NBAS: variants seen among roughly 807,000 people sequenced by gnomAD.
NBAS encodes the protein NAG/BC035112 fusion.
NBAS carries 219 observed loss-of-function variants against 302.5 expected under a neutral mutation model. The observed-to-expected ratio is 0.72, with a 90% CI of 0.65 to 0.81. The LOEUF is 0.81. Among genes scored for constraint, NBAS ranks in the 30% least tolerant of loss-of-function variants. The probability of loss-of-function intolerance (pLI) is 0.00; values close to 1 mark genes in which losing one functional copy is unlikely to be tolerated. For missense variants in NBAS, 2,932 were observed against 2,841.6 expected (o/e 1.03, Z -0.72); for synonymous variants, 1,118 against 1,021.6 (o/e 1.09, Z -1.80).
At chr2:15,532,488 CAAAA>C (rs896529713) in intron 9 of NBAS, among the ~76,000 whole-genome samples, 32 of 47,806 alleles carry the variant, frequency 6.7e-4, no homozygotes, top group African/African-American at 1.6e-3. Flanking sequence ...GACTCCATCT[CAAAA>C]AAAAAAAAAA....
chr2:15,257,952 C>G (rs1010961684), intron 44 of NBAS, among the ~76,000 whole-genome samples: 2 of 152,108 alleles, frequency 1.3e-5, no homozygotes, highest in Non-Finnish European at 2.9e-5. Context: ...AGCACATAAA[C>G]TAGTTAAAAA....
chr2:15,496,999 AAATT>A (rs1681097194), intron 11 of NBAS, among the ~76,000 whole-genome samples: 1 of 152,158 alleles, frequency 6.6e-6, no homozygotes, highest in Non-Finnish European at 1.5e-5. Context: ...AGATGAGAAA[AAATT>A]AATTAATGAG....
At chr2:14,883,429 A>G in the NBAS span, among the ~76,000 whole-genome samples, 1 of 152,158 alleles carries the variant, frequency 6.6e-6, no homozygotes, top group Non-Finnish European at 1.5e-5. Context: ...TAACCTGGAC[A>G]ATATACAAGA....
At position 15,322,700 on chromosome 2, in the gene NBAS, C is replaced by T. The variant is rs559365956; in HGVS notation, c.4582+5050G>A. Among the ~76,000 whole-genome samples the T allele has an allele frequency of 1.3e-3, 192 of 152,288 alleles. 1 individual carries two copies. The highest frequency in any genetic ancestry group is 6.8e-3 in the Middle Eastern group (2 of 294). Reference sequence around the variant, plus strand: ...GTTTAATTTGTATTATGACCTACTTCTAAACCAAAGTCAAGAATTACTTTT... The same window carrying T: ...GTTTAATTTGTATTATGACCTACTTTTAAACCAAAGTCAAGAATTACTTTT... On this transcript the variant is annotated intron_variant, in intron 38 of 51. Transcript: ENST00000281513.
the NBAS span, among the ~76,000 whole-genome samples, chr2:15,106,151 T>C: frequency 6.6e-6 from 1 of 152,182 alleles, no homozygotes; most frequent in Non-Finnish European, 1.5e-5. Flanking sequence ...AACATGAATT[T>C]GGCCAAAGCT....
chr2:15,254,490 C>T (rs956188496), intron 44 of NBAS, among the ~76,000 whole-genome samples: 10 of 152,276 alleles, frequency 6.6e-5, no homozygotes, highest in African/African-American at 2.4e-4. Flanking sequence ...GGATAACAAA[C>T]TTCTTCTTGC....
chr2:15,374,463 T>C, intron 31 of NBAS, 145 bp downstream of exon 31: 1 of 686,660 alleles, frequency 1.5e-6, no homozygotes, highest in South Asian at 1.7e-5. Flanking sequence ...TGAGATTTCA[T>C]TTAAAATAAT....
At chr2:15,015,861 G>C in the NBAS span, among the ~76,000 whole-genome samples, 1 of 151,946 alleles carries the variant, frequency 6.6e-6, no homozygotes, top group Non-Finnish European at 1.5e-5. Context: ...CCAGTTTGCA[G>C]ATGACATAGA....
At chr2:15,441,297 C>T (rs1321548626) in intron 21 of NBAS, among the ~76,000 whole-genome samples, 9 of 152,326 alleles carry the variant, frequency 5.9e-5, no homozygotes, top group Non-Finnish European at 7.3e-5. Flanking sequence ...ATCAGACTAA[C>T]AGCGGATCTC....
chr2:15,213,541 A>G (rs1417991296), intron 48 of NBAS, among the ~76,000 whole-genome samples: 1 of 152,198 alleles, frequency 6.6e-6, no homozygotes, highest in Admixed American at 6.5e-5. Flanking sequence ...TCAGTGCCAT[A>G]TATTTCCCTG....
the NBAS span, among the ~76,000 whole-genome samples, chr2:15,046,947 C>T: frequency 1.7e-4 from 26 of 152,306 alleles, no homozygotes; most frequent in Middle Eastern, 3.4e-3. Context: ...CAGTCAACAT[C>T]ATCAGGGGAG....
intron 44 of NBAS, among the ~76,000 whole-genome samples, chr2:15,245,668 T>A (rs141155767): frequency 1.5e-5 from 2 of 133,756 alleles, no homozygotes; most frequent in African/African-American, 5.7e-5. Context: ...GACGGATGGA[T>A]GGATGGATGA....
chr2:15,260,200 A>G (rs373015331), intron 44 of NBAS, among the ~76,000 whole-genome samples: 29 of 152,332 alleles, frequency 1.9e-4, no homozygotes, highest in African/African-American at 6.7e-4. Context: ...CAAGTGTGTG[A>G]GAGGTAATCA....
At chr2:14,841,588 G>T in the NBAS span, among the ~76,000 whole-genome samples, 7 of 150,894 alleles carry the variant, frequency 4.6e-5, no homozygotes, top group African/African-American at 1.7e-4. Context: ...ATATAAAAAA[G>T]GTCATTATAT....
At chr2:15,404,544 G>A (rs568782695) in intron 25 of NBAS, among the ~76,000 whole-genome samples, 13 of 148,048 alleles carry the variant, frequency 8.8e-5, no homozygotes, top group Middle Eastern at 6.9e-3. Context: ...ACAGAGTCTC[G>A]CTGTGTCGCC....
the NBAS span, among the ~76,000 whole-genome samples, chr2:14,876,814 C>T: frequency 2.6e-5 from 4 of 152,352 alleles, no homozygotes; most frequent in African/African-American, 9.6e-5. Flanking sequence ...TAGGACAGGG[C>T]CTCCCGGCCG....
the NBAS span, among the ~76,000 whole-genome samples, chr2:14,954,652 A>T: frequency 7.9e-5 from 12 of 152,310 alleles, no homozygotes; most frequent in East Asian, 2.3e-3. Context: ...ATCATGGCAG[A>T]AGGGGAAGAA....
At position 15,425,885 on chromosome 2, in the gene NBAS, G is replaced by A. The variant is rs145427129; in HGVS notation, c.2424-1417C>T. ...CTTCTGGAAATGCCCTTTGCCCCTC[G>A]TCAGTCTGCTGTCATGCCGTGAAGC... On this transcript the variant is annotated intron_variant, in intron 22 of 51. Coordinates refer to ENST00000281513, the MANE Select transcript of NBAS (RefSeq NM_015909.4). Among the ~76,000 whole-genome samples the A allele has an allele frequency of 3.2e-4, 49 of 152,078 alleles. 1 individual carries two copies. Among genetic ancestry groups the A allele is most frequent in the Admixed American group, 1.0e-3 (16 of 15,272 alleles).
chr2:15,006,204 C>T, the NBAS span, among the ~76,000 whole-genome samples: 1 of 152,086 alleles, frequency 6.6e-6, no homozygotes, highest in African/African-American at 2.4e-5. Context: ...AAAAAAATCA[C>T]AGTCCTTCCA....
Sources: allele counts gnomAD v4.1 joint callset (sites outside exome capture counted in the v4.1 genomes callset), GRCh38; gene constraint gnomAD v4.1.1; transcripts MANE v1.5; gene names NCBI Gene and HGNC (gene_info 2026-07-23, HGNC 2026-07-21).